SNX18: variants seen among roughly 807,000 people sequenced by gnomAD.
SNX18 encodes sorting nexin 18.
Under a neutral mutation model 48.7 loss-of-function variants are expected in SNX18, and 35 were observed. The ratio of observed to expected loss-of-function variants is 0.72; its 90% CI spans 0.55 to 0.95. SNX18 has a LOEUF of 0.95. SNX18 is among the 40% of genes least tolerant of loss of function. SNX18 has a pLI of 0.00. For missense variants in SNX18, 824 were observed against 871.0 expected (o/e 0.95, Z 0.68); for synonymous variants, 492 against 384.7 (o/e 1.28, Z -3.26).
chr5:54,636,397 T>C, the SNX18 span, among the ~76,000 whole-genome samples: 2 of 152,080 alleles, frequency 1.3e-5, no homozygotes, highest in South Asian at 2.1e-4. Context: ...AGCATTTTGC[T>C]ATGGGGAGAA....
At chr5:54,519,836 T>A (rs769572647) in intron 1 of SNX18, 86 of 1,594,420 alleles carry the variant, frequency 5.4e-5, no homozygotes, top group Non-Finnish European at 7.4e-5. Context: ...TGCTATCATT[T>A]TAGAGTTTGA....
At chr5:54,627,597 G>A in the SNX18 span, among the ~76,000 whole-genome samples, 333 of 152,182 alleles carry the variant, frequency 2.2e-3, 2 homozygotes, top group African/African-American at 7.6e-3. Context: ...GCTTGGGAGG[G>A]TTAAGGTTTG....
At chr5:54,557,487 C>A in the SNX18 span, among the ~76,000 whole-genome samples, 1 of 152,288 alleles carries the variant, frequency 6.6e-6, no homozygotes, top group African/African-American at 2.4e-5. Flanking sequence ...AAAGAGGAAT[C>A]TAAAAGATCG....
At chr5:54,524,899 G>C (rs1488830931) in intron 1 of SNX18, among the ~76,000 whole-genome samples, 1 of 152,258 alleles carries the variant, frequency 6.6e-6, no homozygotes, top group East Asian at 1.9e-4. Flanking sequence ...GATTCTGAGA[G>C]CCTGGTGGAT....
chr5:54,552,767 C>G, the SNX18 span, among the ~76,000 whole-genome samples: 1 of 151,752 alleles, frequency 6.6e-6, no homozygotes, highest in East Asian at 1.9e-4. Flanking sequence ...TACTTTCTAG[C>G]TAGTAGGTGA....
At chr5:54,543,046 C>T (rs1252801378) in intron 1 of SNX18, 133 bp from the exon 2 acceptor site, 4 of 839,592 alleles carry the variant, frequency 4.8e-6, no homozygotes, top group Non-Finnish European at 7.1e-6. Flanking sequence ...ATGGTCCTCA[C>T]TTTAAATTTC....
the SNX18 span, among the ~76,000 whole-genome samples, chr5:54,634,391 A>T: frequency 6.6e-6 from 1 of 152,190 alleles, no homozygotes; most frequent in Non-Finnish European, 1.5e-5. Context: ...CCTTTGGGTT[A>T]TTCTCAGTGG....
the SNX18 span, among the ~76,000 whole-genome samples, chr5:54,567,929 C>T: frequency 6.6e-6 from 1 of 152,214 alleles, no homozygotes; most frequent in Non-Finnish European, 1.5e-5. Flanking sequence ...TGAGAAGTTG[C>T]TGCTGAAAGG....
At position 54,519,308 on chromosome 5, in the gene SNX18, C is replaced by T. The variant is rs1761960280; in HGVS notation, c.1356C>T (p.Phe452=). The stretch of plus-strand genomic sequence containing the variant: ...AGCTCAACCACACGGCCAACGAGTT[C>T]GCGCGCAAGCAGGTGACCGGCTTCA... The part of the protein sequence containing the change: ...ALQLNHTANE[F]ARKQVTGFKK... Residue 452 remains phenylalanine (F), a synonymous_variant, in exon 1 of 2, where the codon TTC becomes TTT. Transcript: ENST00000381410. The T allele has an allele frequency of 1.2e-6, 2 of 1,613,798 alleles. No individual in the cohort carries two copies. The highest frequency in any genetic ancestry group is 2.2e-5 in the East Asian group (1 of 44,856).
At chr5:54,610,124 C>T in the SNX18 span, among the ~76,000 whole-genome samples, 1 of 152,254 alleles carries the variant, frequency 6.6e-6, no homozygotes, top group African/African-American at 2.4e-5. Flanking sequence ...ACCTGCAGAA[C>T]CGTGAGCAAA....
At chr5:54,646,000 T>C in the SNX18 span, 3 of 152,234 alleles carry the variant, frequency 2.0e-5, no homozygotes, top group African/African-American at 7.2e-5. Context: ...TTTTGGATAC[T>C]TGTGGTTTGG....
chr5:54,518,373 T>C lies in SNX18; in HGVS notation c.421T>C (p.Tyr141His). The change falls in exon 1 of 2, where the codon TAC (tyrosine) becomes CAC (histidine). Residue 141 changes from tyrosine (Y) to histidine (H), a missense_variant. This residue lies in a region of SNX18 where 377 missense variants were observed against 350.6 expected (regional missense o/e 1.08). Coordinates refer to ENST00000381410, the MANE Select transcript of SNX18 (RefSeq NM_001102575.2). The part of the protein sequence containing the change: ...GALQPSPQQL[Y>H]GGYQASQGSD... The stretch of plus-strand genomic sequence containing the variant: ...CCTGCAGCCGTCGCCTCAGCAGCTC[T>C]ACGGCGGCTACCAGGCCAGCCAAGG... 3 of 1,565,964 alleles carry C rather than the reference T, an allele frequency of 1.9e-6. No individual in the cohort carries two copies. Among genetic ancestry groups the C allele is most frequent in the Non-Finnish European group, 2.6e-6 (3 of 1,157,344 alleles).
the SNX18 span, among the ~76,000 whole-genome samples, chr5:54,630,712 T>TA: frequency 6.6e-6 from 1 of 151,646 alleles, no homozygotes; most frequent in East Asian, 2.0e-4. Context: ...CATGTGCCTG[T>TA]AATCCCAGTT....
At chr5:54,527,959 CAT>C (rs1336002615) in intron 1 of SNX18, among the ~76,000 whole-genome samples, 21 of 152,052 alleles carry the variant, frequency 1.4e-4, no homozygotes, top group African/African-American at 2.4e-4. Flanking sequence ...AAGTCATTAA[CAT>C]GTGAGTGATT....
intron 1 of SNX18, among the ~76,000 whole-genome samples, chr5:54,539,997 G>A (rs1038281204): frequency 3.3e-5 from 5 of 151,452 alleles, no homozygotes; most frequent in Non-Finnish European, 7.4e-5. Flanking sequence ...TCAGCCTCCC[G>A]GGTACTTGGG....
At chr5:54,562,889 A>C in the SNX18 span, among the ~76,000 whole-genome samples, 1 of 152,194 alleles carries the variant, frequency 6.6e-6, no homozygotes, top group Non-Finnish European at 1.5e-5. Context: ...GTGGGGCAAG[A>C]TGTGGAGGTG....
chr5:54,559,744 C>G, the SNX18 span, among the ~76,000 whole-genome samples: 1 of 152,058 alleles, frequency 6.6e-6, no homozygotes, highest in Admixed American at 6.6e-5. Flanking sequence ...AGCTTCTGTA[C>G]AGCAAAAGAA....
the SNX18 span, among the ~76,000 whole-genome samples, chr5:54,578,506 T>C: frequency 6.6e-6 from 1 of 152,146 alleles, no homozygotes; most frequent in African/African-American, 2.4e-5. Context: ...AGCTACGTAC[T>C]TGGGAATAGG....
Position 54,523,960 on chromosome 5 carries a change from G to A in SNX18, c.1621+4387G>A, listed in dbSNP as rs114069115. Reference sequence around the variant, plus strand: ...ATACAGAGAAAAGCTCTAAGAAGTTGGGGCTGTTTGCAAATTCATCCTTAT... The same window carrying A: ...ATACAGAGAAAAGCTCTAAGAAGTTAGGGCTGTTTGCAAATTCATCCTTAT... On this transcript the variant is annotated intron_variant, in intron 1 of 1. Coordinates refer to ENST00000381410, the MANE Select transcript of SNX18 (RefSeq NM_001102575.2). Among the ~76,000 whole-genome samples the A allele has an allele frequency of 3.3e-3, 508 of 152,304 alleles. 4 individuals are homozygous for A. The highest frequency in any genetic ancestry group is 0.012 in the African/African-American group (493 of 41,558).
Sources: gnomAD v4.1 joint callset for allele counts (sites outside exome capture counted in the v4.1 genomes callset) on GRCh38, gnomAD v4.1.1 for gene constraint, gnomAD v4.1.1 regional missense constraint, MANE v1.5 for transcripts, NCBI Gene and HGNC (gene_info 2026-07-23, HGNC 2026-07-21) for gene names.